MUC7: variants seen among roughly 807,000 people sequenced by gnomAD.
MUC7 encodes mucin-7.
A neutral mutation model predicts 2.5 loss-of-function variants in MUC7; 2 were observed. That is an observed-to-expected ratio of 0.81 (90% CI 0.33 to 2.55). The LOEUF (loss-of-function observed/expected upper bound fraction) is 2.55, where lower values mean the gene tolerates loss of function less well. Among genes scored for constraint, MUC7 ranks in the 30% most tolerant of loss-of-function variants. The pLI is 0.11. For missense variants in MUC7, 408 were observed against 455.6 expected (o/e 0.90, Z 0.95); for synonymous variants, 133 against 173.4 (o/e 0.77, Z 1.83).
At chr4:70,463,175 T>A (rs539282177) in intron 1 of MUC7, among the ~76,000 whole-genome samples, 62 of 149,106 alleles carry the variant, frequency 4.2e-4, no homozygotes, top group African/African-American at 1.4e-3. Context: ...ACTTTAGTAA[T>A]ACCAGAAGAT....
intron 1 of MUC7, among the ~76,000 whole-genome samples, chr4:70,473,710 A>C (rs1276546795): frequency 1.3e-5 from 2 of 152,204 alleles, no homozygotes; most frequent in African/African-American, 4.8e-5. Flanking sequence ...CTTATTGCTA[A>C]ACTTCCTAAG....
rs1209009441 is a variant in MUC7, at chr4:70,480,951, CT to C, written c.208del (p.Cys70ValfsTer36). ...RKSYKCLHKR[C>X]RPKLPPSPNN... is the part of the protein sequence containing the mutation. Reference sequence around the variant, plus strand: ...AGTCCTATAAATGTCTGCACAAACGCTGTAGGCCTAAGCTTCCACCTTCACC... The same window carrying C: ...AGTCCTATAAATGTCTGCACAAACGCGTAGGCCTAAGCTTCCACCTTCACC... On this transcript the variant is annotated frameshift_variant, in exon 3 of 3. Transcript: ENST00000304887. LOFTEE classifies it low-confidence loss of function (END_TRUNC). 1 of 1,614,110 alleles carries C rather than the reference CT, an allele frequency of 6.2e-7. No individual in the cohort carries two copies. Among genetic ancestry groups the C allele is most frequent in the Non-Finnish European group, 8.5e-7 (1 of 1,180,012 alleles).
intron 1 of MUC7, among the ~76,000 whole-genome samples, chr4:70,459,492 A>G (rs1734499204): frequency 6.6e-6 from 1 of 152,172 alleles, no homozygotes; most frequent in Non-Finnish European, 1.5e-5. Context: ...ATGACTAGTT[A>G]ATGGGTGCAG....
At chr4:70,464,952 G>A (rs1381198412) in intron 1 of MUC7, among the ~76,000 whole-genome samples, 1 of 152,186 alleles carries the variant, frequency 6.6e-6, no homozygotes, top group African/African-American at 2.4e-5. Flanking sequence ...CCTCCTGACT[G>A]GGAGACACCT....
upstream of MUC7, among the ~76,000 whole-genome samples, chr4:70,469,955 A>G (rs560396523): frequency 1.3e-5 from 2 of 152,338 alleles, no homozygotes; most frequent in Middle Eastern, 3.4e-3. Flanking sequence ...AGACATATGC[A>G]CACATATATT....
intron 1 of MUC7, among the ~76,000 whole-genome samples, chr4:70,435,436 G>C (rs1733802131): frequency 6.6e-6 from 1 of 152,170 alleles, no homozygotes; most frequent in African/African-American, 2.4e-5. Flanking sequence ...TTGTTGAATT[G>C]ATCGCTTTAC....
At chr4:70,435,462 T>A (rs913766905) in intron 1 of MUC7, among the ~76,000 whole-genome samples, 1 of 152,242 alleles carries the variant, frequency 6.6e-6, no homozygotes, top group African/African-American at 2.4e-5. Context: ...TGTAATGGCC[T>A]CCTTTGTCTC....
At chr4:70,438,189 G>A (rs1249571983) in intron 1 of MUC7, among the ~76,000 whole-genome samples, 1 of 152,102 alleles carries the variant, frequency 6.6e-6, no homozygotes, top group Non-Finnish European at 1.5e-5. Context: ...CTGTCCAGGT[G>A]CCATTTATTA....
intron 1 of MUC7, among the ~76,000 whole-genome samples, chr4:70,465,884 G>A (rs1351997059): frequency 6.6e-6 from 1 of 152,024 alleles, no homozygotes; most frequent in Non-Finnish European, 1.5e-5. Flanking sequence ...TTCAAATTCA[G>A]GAAATACAGA....
intron 1 of MUC7, among the ~76,000 whole-genome samples, chr4:70,447,662 A>C (rs1298246192): frequency 6.6e-6 from 1 of 152,124 alleles, no homozygotes; most frequent in Non-Finnish European, 1.5e-5. Flanking sequence ...ATTTTTGTGA[A>C]TACATAAGGT....
At position 70,465,603 on chromosome 4, in the gene MUC7, A is replaced by G. The variant is rs150509396; in HGVS notation, c.-92-6612A>G. Among the ~76,000 whole-genome samples the G allele has an allele frequency of 1.2e-3, 180 of 152,328 alleles. 3 individuals are homozygous for G. In the East Asian group the frequency reaches 0.03, roughly 26 times the overall value. ...AGCACGAGAACTTCGTGAAGCATAC[A>G]CAAGTATCAATAGCCAAATCGATCA... On this transcript the variant is annotated intron_variant, in intron 1 of 3. Transcript: ENST00000413702.
At chr4:70,439,495 G>A (rs895111191) in intron 1 of MUC7, among the ~76,000 whole-genome samples, 9 of 152,134 alleles carry the variant, frequency 5.9e-5, no homozygotes, top group African/African-American at 2.2e-4. Flanking sequence ...GAGAGGTTAG[G>A]TAGTAATGGA....
intron 2 of MUC7, among the ~76,000 whole-genome samples, chr4:70,476,383 C>A (rs745860141): frequency 1.3e-5 from 2 of 152,150 alleles, no homozygotes; most frequent in South Asian, 2.1e-4. Flanking sequence ...AGTGGCCTTT[C>A]ATCATAACTC....
At chr4:70,472,456 A>G (rs190361707) in intron 1 of MUC7, among the ~76,000 whole-genome samples, 165 bp downstream of exon 1, 56 of 152,366 alleles carry the variant, frequency 3.7e-4, no homozygotes, top group Middle Eastern at 3.4e-3. Flanking sequence ...TTAGAACACA[A>G]TATGATTGGT....
In MUC7 at chr4:70,482,046, C is replaced by A. The variant is rs1271774677; in HGVS notation, c.*168C>A. The A allele has an allele frequency of 3.4e-6, 3 of 877,278 alleles. No homozygotes were observed. The Admixed American group carries it at 8.8e-5, about 26-fold the overall frequency. The allele number at this position is 877,278 out of a possible 1,614,324, so 54.3% of individuals were successfully genotyped here. A position where few individuals can be genotyped will look rare whatever the true frequency, so the allele number is the denominator to read the frequency against. ...TATTCACCACCACAAGACCTATTAA[C>A]AAGACAAAATGCCTCTATCCCACAA... On this transcript the variant is annotated 3_prime_UTR_variant, in exon 3 of 3. Coordinates refer to ENST00000304887, the MANE Select transcript of MUC7 (RefSeq NM_152291.3).
intron 1 of MUC7, among the ~76,000 whole-genome samples, chr4:70,452,286 G>A (rs569143548): frequency 5.9e-5 from 9 of 152,040 alleles, no homozygotes; most frequent in Admixed American, 2.0e-4. Flanking sequence ...ACTTACTCCC[G>A]CCATTTTGTT....
upstream of MUC7, among the ~76,000 whole-genome samples, chr4:70,469,989 C>A (rs905679198): frequency 2.6e-5 from 4 of 152,128 alleles, no homozygotes; most frequent in Non-Finnish European, 5.9e-5. Flanking sequence ...TTTACAATAG[C>A]AAAGACTTGG....
chr4:70,469,298 AAAACCCTAGAAG>A (rs1734768427), upstream of MUC7, among the ~76,000 whole-genome samples: 1 of 152,350 alleles, frequency 6.6e-6, no homozygotes, highest in African/African-American at 2.4e-5. Flanking sequence ...TAAAACCATA[AAAACCCTAGAAG>A]AAAACCTAGG....
intron 2 of MUC7, among the ~76,000 whole-genome samples, chr4:70,480,107 C>T (rs1735122142): frequency 6.6e-6 from 1 of 152,166 alleles, no homozygotes; most frequent in Non-Finnish European, 1.5e-5. Context: ...ACCATTGGTG[C>T]TCTATCCAGA....
Sources: gnomAD v4.1 joint callset for allele counts (sites outside exome capture counted in the v4.1 genomes callset) on GRCh38, gnomAD v4.1.1 for gene constraint, MANE v1.5 for transcripts, NCBI Gene and HGNC (gene_info 2026-07-23, HGNC 2026-07-21) for gene names.